The following STK32C variants were observed in gnomAD, a reference collection of about 807,000 sequenced individuals.
STK32C encodes serine/threonine-protein kinase 32C.
STK32C carries 31 observed loss-of-function variants against 56.5 expected under a neutral mutation model. That is an observed-to-expected ratio of 0.55 (90% CI 0.41 to 0.74). The LOEUF is 0.74. Among genes scored for constraint, STK32C ranks in the 30% least tolerant of loss-of-function variants. The pLI is 0.00. For synonymous variants in STK32C, 309 were observed against 289.4 expected, an observed-to-expected ratio of 1.07 and a Z score of -0.69; for missense variants, 544 against 676.9, an observed-to-expected ratio of 0.80 and a Z score of 2.18.
chr10:132,267,713 ATG>A (rs2064611568), intron 1 of STK32C, among the ~76,000 whole-genome samples: 3 of 32,114 alleles, frequency 9.3e-5, no homozygotes. Context: ...CTCTATGTCT[ATG>A]TGCATGCATG....
In STK32C at chr10:132,307,919, CG is replaced by C; in HGVS notation, c.-87del. The C allele has an allele frequency of 1.9e-6, 2 of 1,077,848 alleles. No individual in the cohort carries two copies. The highest frequency in any genetic ancestry group is 2.4e-5 in the South Asian group (1 of 42,228). 66.8% of individuals were successfully genotyped at this position (1,077,848 alleles called of 1,614,324 possible). A position where few individuals can be genotyped will look rare whatever the true frequency, so the allele number is the denominator to read the frequency against. ...GAGCGGCAGTGGTAGCGGGAGCGCT[CG>C]GGGCCGGCAGCGCCCGCCGTGCGCT... On this transcript the variant is annotated 5_prime_UTR_variant, in exon 1 of 12. Coordinates refer to ENST00000298630, the MANE Select transcript of STK32C (RefSeq NM_173575.4). The surrounding 1 kb of genome is among the most constrained non-coding windows in gnomAD (Gnocchi z 4.4).
At chr10:132,219,142 C>T (rs1157902143) in intron 10 of STK32C, among the ~76,000 whole-genome samples, 3 of 152,280 alleles carry the variant, frequency 2.0e-5, no homozygotes, top group South Asian at 2.1e-4. Context: ...AATGCACAGC[C>T]CTGTGACTAT....
chr10:132,244,245 C>T (rs573169495), intron 2 of STK32C, among the ~76,000 whole-genome samples: 4 of 152,290 alleles, frequency 2.6e-5, no homozygotes, highest in South Asian at 2.1e-4. Context: ...TCCAGGTGCA[C>T]GACTACCCCG....
chr10:132,277,209 T>C (rs1263594377), intron 1 of STK32C, among the ~76,000 whole-genome samples: 1 of 151,988 alleles, frequency 6.6e-6, no homozygotes, highest in Non-Finnish European at 1.5e-5. Flanking sequence ...GCCAGGACCA[T>C]CAAAACCACC....
downstream of STK32C, among the ~76,000 whole-genome samples, chr10:132,320,762 A>G (rs1166708428): frequency 6.6e-6 from 1 of 152,112 alleles, no homozygotes; most frequent in Admixed American, 6.6e-5. Flanking sequence ...TCAAGGGCAG[A>G]CTTGATGTTA....
chr10:132,275,068 G>A (rs1176212899), intron 1 of STK32C, among the ~76,000 whole-genome samples: 1 of 152,094 alleles, frequency 6.6e-6, no homozygotes, highest in Non-Finnish European at 1.5e-5. Context: ...CCCCAGGGCC[G>A]AGGAACCAAG....
chr10:132,270,576 C>G (rs891669816), intron 1 of STK32C, among the ~76,000 whole-genome samples: 1 of 152,352 alleles, frequency 6.6e-6, no homozygotes, highest in South Asian at 2.1e-4. Context: ...ACCCCAGGAC[C>G]CAGCATGGCC....
intron 1 of STK32C, among the ~76,000 whole-genome samples, chr10:132,281,019 G>A (rs962950789): frequency 3.5e-5 from 5 of 144,174 alleles, no homozygotes; most frequent in African/African-American, 5.2e-5. Flanking sequence ...CCTGCACTCC[G>A]TGATCACGTC....
At chr10:132,241,045 G>T (rs2063483005) in intron 2 of STK32C, among the ~76,000 whole-genome samples, 1 of 152,240 alleles carries the variant, frequency 6.6e-6, no homozygotes, top group South Asian at 2.1e-4. Context: ...AAGTCAACGG[G>T]AACACACGAT....
chr10:132,270,790 C>T (rs1220215674), intron 1 of STK32C, among the ~76,000 whole-genome samples: 1 of 152,192 alleles, frequency 6.6e-6, no homozygotes, highest in African/African-American at 2.4e-5. Flanking sequence ...CTCAGAGCTC[C>T]ATCCTGGCCA....
At chr10:132,247,892 G>A (rs749818931) in intron 1 of STK32C, among the ~76,000 whole-genome samples, 2 of 152,148 alleles carry the variant, frequency 1.3e-5, no homozygotes, top group African/African-American at 2.4e-5. Flanking sequence ...GGCTTCAAGG[G>A]GTGAGAGAAG....
At chr10:132,268,224 CGT>C (rs59819169) in intron 1 of STK32C, among the ~76,000 whole-genome samples, 976 of 87,034 alleles carry the variant, frequency 0.011, 52 homozygotes, top group African/African-American at 0.046. Context: ...TGTCCCACAT[CGT>C]GTGTGTGTGT....
intron 10 of STK32C, among the ~76,000 whole-genome samples, chr10:132,221,030 T>C (rs2062621315): frequency 6.6e-6 from 1 of 152,228 alleles, no homozygotes; most frequent in South Asian, 2.1e-4. Flanking sequence ...CTCAGATCCA[T>C]CTCAGAGAGA....
At chr10:132,230,779 C>T (rs889707684) in intron 2 of STK32C, among the ~76,000 whole-genome samples, 7 of 151,492 alleles carry the variant, frequency 4.6e-5, no homozygotes, top group African/African-American at 1.5e-4. Context: ...GGCTTTCTGT[C>T]GCTTGTGCAC....
chr10:132,303,241 A>C (rs1448598295), intron 1 of STK32C, among the ~76,000 whole-genome samples: 2 of 152,238 alleles, frequency 1.3e-5, no homozygotes, highest in Non-Finnish European at 2.9e-5. Context: ...TGCGAGAAGG[A>C]GAGAGCTTTC....
At chr10:132,320,948 A>T (rs535315158), downstream of STK32C, among the ~76,000 whole-genome samples, 12 of 152,328 alleles carry the variant, frequency 7.9e-5, no homozygotes, top group South Asian at 2.5e-3. Flanking sequence ...CTTATAATAA[A>T]TGACATCTCC....
chr10:132,302,372 G>A (rs1221858938), intron 1 of STK32C, among the ~76,000 whole-genome samples: 1 of 152,192 alleles, frequency 6.6e-6, no homozygotes, highest in Non-Finnish European at 1.5e-5. Flanking sequence ...ATGACAGTAG[G>A]TCCCGAGTCC....
At chr10:132,211,288 C>T (rs1379961745) in intron 10 of STK32C, among the ~76,000 whole-genome samples, 1 of 152,142 alleles carries the variant, frequency 6.6e-6, no homozygotes, top group East Asian at 1.9e-4. Flanking sequence ...CCGACTGAGC[C>T]GCTGGGATCC....
At chr10:132,238,801 CAT>C (rs1365925581) in intron 2 of STK32C, among the ~76,000 whole-genome samples, 2 of 152,234 alleles carry the variant, frequency 1.3e-5, no homozygotes, top group South Asian at 4.1e-4. Context: ...ACACATACCA[CAT>C]ACACACATGC....
Sources: allele counts gnomAD v4.1 joint callset (sites outside exome capture counted in the v4.1 genomes callset), GRCh38; gene constraint gnomAD v4.1.1; non-coding constraint Gnocchi (gnomAD v3.1); transcripts MANE v1.5; gene names NCBI Gene and HGNC (gene_info 2026-07-23, HGNC 2026-07-21).